The following SOX5 variants were observed in gnomAD, a reference collection of about 807,000 sequenced individuals.
The protein encoded by SOX5 is SRY-box transcription factor 5.
A neutral mutation model predicts 92.0 loss-of-function variants in SOX5; 9 were observed. The ratio of observed to expected loss-of-function variants is 0.10; its 90% CI spans 0.06 to 0.17. The LOEUF (loss-of-function observed/expected upper bound fraction) is 0.17, where lower values mean the gene tolerates loss of function less well. SOX5 is among the 10% of genes least tolerant of loss of function. The pLI is 1.00. For missense variants in SOX5, 642 were observed against 944.5 expected (o/e 0.68, Z 4.20); for synonymous variants, 344 against 336.3 (o/e 1.02, Z -0.25).
rs147663963 is a variant in SOX5, at chr12:24,494,591, C to G, written c.-251+67738G>C. Among the ~76,000 whole-genome samples the G allele has an allele frequency of 2.7e-3, 411 of 152,182 alleles. 2 individuals are homozygous for G. The highest frequency in any genetic ancestry group is 0.024 in the Middle Eastern group (7 of 294). On this transcript the variant is annotated intron_variant, in intron 1 of 4. Coordinates refer to the SOX5 transcript ENST00000446891. ...AGCATTCAACTTTCACAACTTCAAC[C>G]CCCACCTTTACTCTTCCCTGGAAGT...
At chr12:24,397,403 TAC>T (rs1418112947) in intron 1 of SOX5, among the ~76,000 whole-genome samples, 3 of 152,224 alleles carry the variant, frequency 2.0e-5, no homozygotes, top group African/African-American at 7.2e-5. Context: ...CTTTACAATT[TAC>T]AGATAGTATT....
chr12:24,408,394 C>G (rs572499353), intron 1 of SOX5, among the ~76,000 whole-genome samples: 58 of 152,252 alleles, frequency 3.8e-4, no homozygotes, highest in African/African-American at 1.3e-3. Context: ...GCAGCCTTTA[C>G]CCAGTTTCCC....
At chr12:23,561,230 G>C (rs147217587) in intron 11 of SOX5, among the ~76,000 whole-genome samples, 1 of 152,122 alleles carries the variant, frequency 6.6e-6, no homozygotes, top group Non-Finnish European at 1.5e-5. Flanking sequence ...AGCTATCAAC[G>C]GAGGCAACTC....
chr12:24,190,693 C>T (rs1022823895), intron 4 of SOX5, among the ~76,000 whole-genome samples: 1 of 152,116 alleles, frequency 6.6e-6, no homozygotes, highest in South Asian at 2.1e-4. Flanking sequence ...ATCCAAGATG[C>T]CATTAATTTG....
At position 24,260,213 on chromosome 12, in the gene SOX5, G is replaced by A. The variant is rs142582300; in HGVS notation, c.-77+17003C>T. Among the ~76,000 whole-genome samples the A allele has an allele frequency of 8.8e-3, 1,334 of 152,256 alleles. 9 individuals are homozygous for A. The highest frequency in any genetic ancestry group is 0.014 in the Non-Finnish European group (931 of 68,018). The stretch of plus-strand genomic sequence containing the variant: ...CTGGAGAAGAGCATGATGAAGCATC[G>A]TTTTCACTGATTCGCTGACGAGGAG... On this transcript the variant is annotated intron_variant, in intron 3 of 4. Transcript: ENST00000446891.
chr12:24,196,033 C>G (rs561158431), intron 4 of SOX5, among the ~76,000 whole-genome samples: 12 of 152,106 alleles, frequency 7.9e-5, no homozygotes, highest in Admixed American at 2.0e-4. Context: ...CACATACGTG[C>G]GCCACCACGC....
chr12:23,601,856 A>G (rs2074538518), intron 9 of SOX5, among the ~76,000 whole-genome samples: 1 of 152,162 alleles, frequency 6.6e-6, no homozygotes, highest in Middle Eastern at 3.2e-3. Flanking sequence ...CTAAAACACA[A>G]ACACACTGAA....
chr12:24,302,540 T>C (rs972680662), intron 2 of SOX5, among the ~76,000 whole-genome samples: 9 of 151,872 alleles, frequency 5.9e-5, no homozygotes, highest in Admixed American at 5.9e-4. Context: ...TAAAGAGGGA[T>C]GGATCTATGA....
chr12:24,190,085 C>T (rs1956378464), intron 4 of SOX5, among the ~76,000 whole-genome samples: 1 of 152,136 alleles, frequency 6.6e-6, no homozygotes, highest in African/African-American at 2.4e-5. Flanking sequence ...GTCCCAGTTA[C>T]AAATTTGTGC....
chr12:23,820,316 GA>G (rs1405508103), intron 3 of SOX5, among the ~76,000 whole-genome samples: 2 of 152,140 alleles, frequency 1.3e-5, no homozygotes, highest in Admixed American at 6.5e-5. Flanking sequence ...GTAGATTCTG[GA>G]TATTAGCCCT....
chr12:23,600,360 G>T, intron 9 of SOX5, among the ~76,000 whole-genome samples: 1 of 151,642 alleles, frequency 6.6e-6, no homozygotes, highest in East Asian at 1.9e-4. Context: ...TAGTCCTGGA[G>T]TAAGATCCAA....
At chr12:24,335,404 C>A (rs1348197260) in intron 2 of SOX5, among the ~76,000 whole-genome samples, 1 of 152,190 alleles carries the variant, frequency 6.6e-6, no homozygotes, top group African/African-American at 2.4e-5. Flanking sequence ...CTTTATTGAG[C>A]ATTTAGTATA....
At chr12:24,011,361 C>T (rs965958129) in intron 4 of SOX5, among the ~76,000 whole-genome samples, 1 of 152,152 alleles carries the variant, frequency 6.6e-6, no homozygotes, top group South Asian at 2.1e-4. Context: ...TGATAATCAT[C>T]TCCTATTTTT....
intron 2 of SOX5, among the ~76,000 whole-genome samples, chr12:24,316,645 C>T (rs1054664419): frequency 2.6e-5 from 4 of 152,150 alleles, no homozygotes; most frequent in East Asian, 1.9e-4. Flanking sequence ...TTAGCATGTA[C>T]ATAGGAATAA....
In SOX5 at chr12:24,243,791, G is replaced by A. The variant is rs187915058; in HGVS notation, c.-76-30374C>T. ...GAAAGTCCCTTAGCCCAATCCCAGT[G>A]AGTCAAGTCCCAATACTAATTCAAT... is the stretch of plus-strand genomic sequence containing the variant. On this transcript the variant is annotated intron_variant, in intron 3 of 4. Coordinates refer to the SOX5 transcript ENST00000446891. Among the ~76,000 whole-genome samples, 4 of 152,184 alleles carry A rather than the reference G, an allele frequency of 2.6e-5. No individual in the cohort carries two copies. The East Asian group carries it at 5.8e-4, about 22-fold the overall frequency.
chr12:24,112,784 C>A lies in SOX5; in HGVS notation c.-2+100559G>T, dbSNP rs1362002052. ...CTCCTGGGCTCAAGCAATCTGCCTA[C>A]CCACCTTGGCCTCCCAAAGTGCTGG... is the stretch of plus-strand genomic sequence containing the variant. On this transcript the variant is annotated intron_variant, in intron 4 of 4. Transcript: ENST00000446891. 2.6e-5 allele frequency among the ~76,000 whole-genome samples: 4 copies of A among 151,894 alleles called. No individual in the cohort carries two copies. In the East Asian group the frequency reaches 5.8e-4, roughly 22 times the overall value.
Position 24,405,073 on chromosome 12 carries a change from G to A in SOX5, c.-250-36434C>T, listed in dbSNP as rs150184766. ...GCCGTCAGAAGGAAACTACCCTTCT[G>A]TCAGCCTTGATTTCTGACTTCTATC... On this transcript the variant is annotated intron_variant, in intron 1 of 4. Transcript: ENST00000446891. Among the ~76,000 whole-genome samples the A allele has an allele frequency of 8.5e-3, 1,290 of 152,236 alleles. 22 individuals are homozygous for A. The highest frequency in any genetic ancestry group is 0.029 in the African/African-American group (1,215 of 41,536).
At chr12:23,567,340 C>G (rs1204334264) in intron 10 of SOX5, among the ~76,000 whole-genome samples, 5 of 151,632 alleles carry the variant, frequency 3.3e-5, no homozygotes, top group Admixed American at 6.6e-5. Context: ...AATGAGATGG[C>G]AAAGGTCAAT....
At chr12:23,850,122 T>C (rs1449172108) in intron 2 of SOX5, among the ~76,000 whole-genome samples, 3 of 152,022 alleles carry the variant, frequency 2.0e-5, no homozygotes, top group East Asian at 1.9e-4. Context: ...CAGCAACGGG[T>C]TGTGATTTAT....
Sources: gnomAD v4.1 joint callset for allele counts (sites outside exome capture counted in the v4.1 genomes callset) on GRCh38, gnomAD v4.1.1 for gene constraint, MANE v1.5 for transcripts, NCBI Gene and HGNC (gene_info 2026-07-23, HGNC 2026-07-21) for gene names.